GRID1: variants seen among roughly 807,000 people sequenced by gnomAD.
The protein encoded by GRID1 is glutamate ionotropic receptor delta type subunit 1.
In GRID1, 28 loss-of-function variants were observed where a neutral mutation model predicts 98.0. That is an observed-to-expected ratio of 0.29 (90% CI 0.21 to 0.39). GRID1 has a LOEUF of 0.39. Ranked by LOEUF, GRID1 falls within the 10% of genes least tolerant of loss-of-function variation. GRID1 has a pLI of 1.00. For missense variants in GRID1, 1,111 were observed against 1,340.5 expected (o/e 0.83, Z 2.67); for synonymous variants, 553 against 538.5 (o/e 1.03, Z -0.37).
chr10:86,096,245 T>C (rs1445705990), intron 4 of GRID1, among the ~76,000 whole-genome samples: 1 of 152,076 alleles, frequency 6.6e-6, no homozygotes, highest in African/African-American at 2.4e-5. Context: ...TATGGTGCAG[T>C]GTATACATGG....
intron 8 of GRID1, among the ~76,000 whole-genome samples, chr10:85,736,907 T>C (rs975268331): frequency 3.3e-5 from 5 of 152,130 alleles, no homozygotes; most frequent in African/African-American, 1.2e-4. Context: ...GGTAGAATAT[T>C]AATATTGGTA....
chr10:86,026,049 C>A (rs924090478), intron 4 of GRID1, among the ~76,000 whole-genome samples: 2 of 152,242 alleles, frequency 1.3e-5, no homozygotes, highest in Non-Finnish European at 2.9e-5. Flanking sequence ...GCCCTCAAGG[C>A]CCAAGGGGGT....
chr10:85,935,009 T>G (rs886520459), intron 4 of GRID1, among the ~76,000 whole-genome samples: 1 of 152,224 alleles, frequency 6.6e-6, no homozygotes, highest in Admixed American at 6.5e-5. Context: ...AGGTATAGAC[T>G]TCATAGAAGT....
chr10:85,609,140 C>G (rs1842705378), intron 15 of GRID1, among the ~76,000 whole-genome samples: 2 of 152,192 alleles, frequency 1.3e-5, no homozygotes. Context: ...TGGGAGGCAG[C>G]AGGGGTACAG....
In GRID1 at chr10:86,097,296, G is replaced by A. The variant is rs150315178; in HGVS notation, c.726+41523C>T. On this transcript the variant is annotated intron_variant, in intron 4 of 15. Coordinates refer to ENST00000327946, the MANE Select transcript of GRID1 (RefSeq NM_017551.3). ...ATAGATGAGAGAGGATTTATTAGGG[G>A]ATTAACAAATATATCGAAAACTGCT... 7.2e-5 allele frequency among the ~76,000 whole-genome samples: 11 copies of A among 152,298 alleles called. 1 individual carries two copies. In the East Asian group the frequency reaches 2.1e-3, roughly 29 times the overall value.
At chr10:85,927,504 T>C (rs1302252466) in intron 4 of GRID1, among the ~76,000 whole-genome samples, 4 of 114,428 alleles carry the variant, frequency 3.5e-5, no homozygotes, top group African/African-American at 4.0e-5. Flanking sequence ...GATGTAAAGT[T>C]TCTTGTAAAA....
chr10:85,969,552 T>C (rs1842381238), intron 4 of GRID1, among the ~76,000 whole-genome samples: 1 of 152,086 alleles, frequency 6.6e-6, no homozygotes, highest in South Asian at 2.1e-4. Context: ...TTTCGAAAAT[T>C]CATGAATATG....
intron 4 of GRID1, among the ~76,000 whole-genome samples, chr10:85,981,201 C>A (rs1163421381): frequency 6.6e-6 from 1 of 152,206 alleles, no homozygotes; most frequent in African/African-American, 2.4e-5. Context: ...CAGCCAACAG[C>A]AATGAATATG....
chr10:85,920,284 T>C (rs928140296), intron 4 of GRID1, among the ~76,000 whole-genome samples: 4 of 152,198 alleles, frequency 2.6e-5, no homozygotes, highest in Non-Finnish European at 5.9e-5. Flanking sequence ...CTTAGGGTTA[T>C]TGTGAGAGTC....
intron 4 of GRID1, among the ~76,000 whole-genome samples, chr10:86,133,548 C>A (rs566823984): frequency 1.3e-4 from 20 of 152,328 alleles, no homozygotes; most frequent in African/African-American, 4.3e-4. Context: ...TTCCCACTAG[C>A]CAAAGTTTTC....
At chr10:86,264,645 G>C (rs372461171) in intron 2 of GRID1, 1 of 463,752 alleles carries the variant, frequency 2.2e-6, no homozygotes, top group African/African-American at 2.0e-5. Flanking sequence ...GGTTGGGAGC[G>C]AAGTGGTGAG....
intron 2 of GRID1, among the ~76,000 whole-genome samples, chr10:86,233,380 C>T (rs55942243): frequency 1.3e-5 from 2 of 152,172 alleles, no homozygotes; most frequent in African/African-American, 2.4e-5. Context: ...GGCTGTGGTG[C>T]GGAGGCTGTT....
At chr10:85,884,338 A>C (rs1841081368) in intron 5 of GRID1, among the ~76,000 whole-genome samples, 1 of 152,128 alleles carries the variant, frequency 6.6e-6, no homozygotes, top group South Asian at 2.1e-4. Context: ...CTGCCTCCCA[A>C]ATAGCTCCCT....
At chr10:85,874,200 C>T (rs1843305903) in intron 5 of GRID1, among the ~76,000 whole-genome samples, 1 of 151,968 alleles carries the variant, frequency 6.6e-6, no homozygotes, top group African/African-American at 2.4e-5. Context: ...TAGGTAACAG[C>T]AAATATGTAA....
chr10:85,718,450 C>G (rs931543256), intron 12 of GRID1, among the ~76,000 whole-genome samples: 2 of 152,238 alleles, frequency 1.3e-5, no homozygotes, highest in East Asian at 3.9e-4. Flanking sequence ...GAGGGCCTTG[C>G]CCCCGCAGCA....
At chr10:86,353,481 G>A (rs558761775) in intron 2 of GRID1, among the ~76,000 whole-genome samples, 1 of 146,326 alleles carries the variant, frequency 6.8e-6, no homozygotes, top group Admixed American at 7.0e-5. Context: ...AAGCCCTTTG[G>A]AGGGCTGAGC....
At chr10:85,680,441 C>T (rs1374051285) in intron 12 of GRID1, among the ~76,000 whole-genome samples, 1 of 152,200 alleles carries the variant, frequency 6.6e-6, no homozygotes, top group African/African-American at 2.4e-5. Flanking sequence ...ATCCATCTGC[C>T]ATTCAGCATA....
chr10:85,756,141 C>A (rs1590218377), intron 8 of GRID1, among the ~76,000 whole-genome samples: 2 of 152,316 alleles, frequency 1.3e-5, no homozygotes, highest in East Asian at 3.9e-4. Context: ...GAACACGTTT[C>A]TGTTCATGTT....
chr10:85,984,146 A>G (rs61855988), intron 4 of GRID1, among the ~76,000 whole-genome samples: 8,503 of 151,998 alleles, frequency 0.056, 303 homozygotes, highest in Middle Eastern at 0.092. Flanking sequence ...GAGAGGCTCC[A>G]ACCCATCTCC....
Sources: gnomAD v4.1 joint callset for allele counts (sites outside exome capture counted in the v4.1 genomes callset) on GRCh38, gnomAD v4.1.1 for gene constraint, MANE v1.5 for transcripts, NCBI Gene and HGNC (gene_info 2026-07-23, HGNC 2026-07-21) for gene names.